Variants in MAP4K3 observed in about 807,000 individuals in gnomAD.
MAP4K3 encodes the protein mitogen-activated protein kinase kinase kinase kinase 3, also known as MAPK/ERK kinase kinase kinase 3.
A neutral mutation model predicts 143.5 loss-of-function variants in MAP4K3; 94 were observed. That is an observed-to-expected ratio of 0.65 (90% CI 0.55 to 0.78). MAP4K3 has a LOEUF of 0.78. MAP4K3 is among the 30% of genes least tolerant of loss of function. The probability of loss-of-function intolerance (pLI) is 0.00; values close to 1 mark genes in which losing one functional copy is unlikely to be tolerated. For missense variants in MAP4K3, 1,077 were observed against 1,068.1 expected (o/e 1.01, Z -0.12); for synonymous variants, 416 against 347.2 (o/e 1.20, Z -2.20).
At chr2:39,281,980 G>C (rs913891568) in intron 22 of MAP4K3, among the ~76,000 whole-genome samples, 3 of 152,030 alleles carry the variant, frequency 2.0e-5, no homozygotes, top group African/African-American at 7.2e-5. Context: ...CATCACCTGA[G>C]GTCAGAAGTT....
chr2:39,310,677 G>A (rs746084653), intron 13 of MAP4K3, among the ~76,000 whole-genome samples: 4 of 152,134 alleles, frequency 2.6e-5, no homozygotes, highest in Non-Finnish European at 4.4e-5. Flanking sequence ...TTACCATAGT[G>A]GCTGTACTAA....
rs1413768875 is a variant in MAP4K3 at position 39,250,608 on chromosome 2, A to T, written c.*10T>A. The T allele has an allele frequency of 6.2e-7, 1 of 1,611,794 alleles. No homozygotes were observed. Among genetic ancestry groups the T allele is most frequent in the African/African-American group, 1.3e-5 (1 of 75,022 alleles). On this transcript the variant is annotated 3_prime_UTR_variant, in exon 34 of 34. Transcript: ENST00000263881. Reference sequence around the variant, plus strand: ...TCTTTCTAGAGTTAACTGTCAAAGCACAACAATTCTCAGTAACTGTTTTCA... The same window carrying T: ...TCTTTCTAGAGTTAACTGTCAAAGCTCAACAATTCTCAGTAACTGTTTTCA...
chr2:39,402,056 T>C (rs1572491828), intron 1 of MAP4K3, among the ~76,000 whole-genome samples: 1 of 152,110 alleles, frequency 6.6e-6, no homozygotes, highest in Admixed American at 6.5e-5. Context: ...GATAACTACA[T>C]TACATATGTG....
rs552671180 is a variant in MAP4K3, at chr2:39,261,520, C to A, written c.2137-743G>T. Among the ~76,000 whole-genome samples the A allele has an allele frequency of 2.6e-4, 40 of 152,264 alleles. 1 individual carries two copies. In the South Asian group the frequency reaches 6.8e-3, roughly 26 times the overall value. Reference sequence around the variant, plus strand: ...CATCCCAGAGGAGTAAGCAAATGCTCATACAACACTGGTGGTGGGACATAG... The same window carrying A: ...CATCCCAGAGGAGTAAGCAAATGCTAATACAACACTGGTGGTGGGACATAG... On this transcript the variant is annotated intron_variant, in intron 28 of 33. Coordinates refer to ENST00000263881, the MANE Select transcript of MAP4K3 (RefSeq NM_003618.4).
At position 39,416,004 on chromosome 2, in the gene MAP4K3, TAAAA is replaced by T. The variant is rs58992205; in HGVS notation, c.96+20884_96+20887del. Among the ~76,000 whole-genome samples, 193 of 76,060 alleles carry T rather than the reference TAAAA, an allele frequency of 2.5e-3. 6 individuals carry two copies. The highest frequency in any genetic ancestry group is 0.011 in the African/African-American group (176 of 16,634). 49.9% of individuals were successfully genotyped at this position (76,060 alleles called of 152,430 possible). On this transcript the variant is annotated intron_variant, in intron 1 of 33. Transcript: ENST00000263881. Reference sequence around the variant, plus strand: ...AAATATATATATATATATATATATATAAAAATAACATTTGGAAGAATAAATTCCC... The same window carrying T: ...AAATATATATATATATATATATATATATAACATTTGGAAGAATAAATTCCC...
At chr2:39,413,845 G>A (rs556897542) in intron 1 of MAP4K3, among the ~76,000 whole-genome samples, 1 of 151,978 alleles carries the variant, frequency 6.6e-6, no homozygotes, top group Non-Finnish European at 1.5e-5. Flanking sequence ...TGTCACTCAA[G>A]AGGGGCTTTT....
chr2:39,340,667 G>C (rs1299274809), intron 4 of MAP4K3, among the ~76,000 whole-genome samples: 1 of 151,854 alleles, frequency 6.6e-6, no homozygotes, highest in Non-Finnish European at 1.5e-5. Flanking sequence ...TAAACAATCT[G>C]AGAATGACTA....
At chr2:39,435,440 A>T (rs1407733708) in intron 1 of MAP4K3, among the ~76,000 whole-genome samples, 1 of 152,052 alleles carries the variant, frequency 6.6e-6, no homozygotes, top group African/African-American at 2.4e-5. Context: ...GAGCCTTCAC[A>T]TATCATGCTC....
At chr2:39,356,811 T>C (rs906598151) in intron 2 of MAP4K3, among the ~76,000 whole-genome samples, 11 of 152,372 alleles carry the variant, frequency 7.2e-5, no homozygotes, top group Admixed American at 5.9e-4. Context: ...GTATAATCCA[T>C]CAATAGGAAA....
At chr2:39,417,205 GGTTTC>G (rs1667406039) in intron 1 of MAP4K3, among the ~76,000 whole-genome samples, 1 of 150,302 alleles carries the variant, frequency 6.7e-6, no homozygotes, top group Non-Finnish European at 1.5e-5. Context: ...GTGAAAGCCA[GGTTTC>G]TTTTCTTTTT....
chr2:39,424,416 T>C (rs953866934), intron 1 of MAP4K3, among the ~76,000 whole-genome samples: 2 of 152,078 alleles, frequency 1.3e-5, no homozygotes, highest in Admixed American at 6.5e-5. Context: ...TTTAAAACCA[T>C]CTGAGTACAG....
intron 6 of MAP4K3, among the ~76,000 whole-genome samples, chr2:39,334,198 A>C (rs1292286454): frequency 6.6e-6 from 1 of 152,144 alleles, no homozygotes; most frequent in Non-Finnish European, 1.5e-5. Flanking sequence ...ATCTGGTTGC[A>C]TTTTAGCCAC....
At chr2:39,325,991 T>C (rs1683478808) in intron 9 of MAP4K3, 30 bp from the exon 10 acceptor site, 1 of 1,544,552 alleles carries the variant, frequency 6.5e-7, no homozygotes, top group African/African-American at 1.4e-5. Flanking sequence ...TTACACAGCA[T>C]TTTAATATTT....
At chr2:39,347,233 GTAAATATCAATAGATATAATTCA>G (rs1363867698) in intron 3 of MAP4K3, among the ~76,000 whole-genome samples, 3 of 152,040 alleles carry the variant, frequency 2.0e-5, no homozygotes, top group Non-Finnish European at 4.4e-5. Context: ...TTCTAATATG[GTAAATATCAATAGATATAATTCA>G]TATAAAACAA....
intron 20 of MAP4K3, among the ~76,000 whole-genome samples, chr2:39,287,533 C>T (rs1214361668): frequency 6.6e-6 from 1 of 152,026 alleles, no homozygotes; most frequent in Non-Finnish European, 1.5e-5. Flanking sequence ...AAACTCTTGA[C>T]CTCAGGTGAT....
intron 12 of MAP4K3, among the ~76,000 whole-genome samples, chr2:39,322,963 C>A (rs1238895146): frequency 6.6e-6 from 1 of 152,098 alleles, no homozygotes; most frequent in African/African-American, 2.4e-5. Context: ...AGCCACTGAG[C>A]CCACCCTTAT....
chr2:39,309,854 G>A (rs1047760543), intron 13 of MAP4K3, among the ~76,000 whole-genome samples: 1 of 151,812 alleles, frequency 6.6e-6, no homozygotes, highest in African/African-American at 2.4e-5. Flanking sequence ...CACTGCGCCC[G>A]GCCAAAACCA....
In MAP4K3 at chr2:39,293,324, C is replaced by T. The variant is rs1019999623; in HGVS notation, c.1179-56G>A. Reference sequence around the variant, plus strand: ...TGTGAATAAATTATCAAAGGAATATCGAATGTGTTTTTATCATTTTAACCT... The same window carrying T: ...TGTGAATAAATTATCAAAGGAATATTGAATGTGTTTTTATCATTTTAACCT... On this transcript the variant is annotated intron_variant, in intron 16 of 33. Coordinates refer to ENST00000263881, the MANE Select transcript of MAP4K3 (RefSeq NM_003618.4). The T allele has an allele frequency of 3.3e-5, 35 of 1,071,410 alleles. No homozygotes were observed. In the African/African-American group the frequency reaches 4.2e-4, roughly 13 times the overall value. 66.4% of individuals were successfully genotyped at this position (1,071,410 alleles called of 1,614,324 possible).
At chr2:39,376,436 G>C (rs1666220546) in intron 2 of MAP4K3, among the ~76,000 whole-genome samples, 1 of 152,032 alleles carries the variant, frequency 6.6e-6, no homozygotes, top group African/African-American at 2.4e-5. Flanking sequence ...ATATACACAT[G>C]GCAGTGTCCA....
Sources: allele counts gnomAD v4.1 joint callset (sites outside exome capture counted in the v4.1 genomes callset), GRCh38; gene constraint gnomAD v4.1.1; transcripts MANE v1.5; gene names NCBI Gene and HGNC (gene_info 2026-07-23, HGNC 2026-07-21).